The following MEIKIN variants were observed in gnomAD, a reference collection of about 807,000 sequenced individuals.
The protein encoded by MEIKIN is meiotic kinetochore factor.
chr5:131,847,608 C>T (rs1258621516), intron 11 of MEIKIN, among the ~76,000 whole-genome samples: 2 of 151,868 alleles, frequency 1.3e-5, no homozygotes. Flanking sequence ...ACTTCAATAC[C>T]TCTCTCTCAA....
chr5:131,932,753 C>T (rs1427050534), intron 5 of MEIKIN, among the ~76,000 whole-genome samples: 1 of 152,300 alleles, frequency 6.6e-6, no homozygotes, highest in East Asian at 1.9e-4. Flanking sequence ...AATACATCTC[C>T]AGGCTCCCTT....
intron 12 of MEIKIN, among the ~76,000 whole-genome samples, chr5:131,817,913 A>G (rs999569808): frequency 9.2e-5 from 14 of 152,206 alleles, no homozygotes; most frequent in African/African-American, 3.4e-4. Flanking sequence ...GCCACTGAGT[A>G]ATTAGACATT....
At chr5:131,825,306 C>A (rs1749592839) in intron 11 of MEIKIN, among the ~76,000 whole-genome samples, 1 of 152,156 alleles carries the variant, frequency 6.6e-6, no homozygotes, top group African/African-American at 2.4e-5. Context: ...ATATATGTGT[C>A]AGGCCCCAAG....
intron 11 of MEIKIN, among the ~76,000 whole-genome samples, chr5:131,846,414 C>A (rs1443610881): frequency 6.6e-6 from 1 of 152,100 alleles, no homozygotes; most frequent in African/African-American, 2.4e-5. Context: ...AACTCTACTT[C>A]TTGTTTTCTA....
chr5:131,846,835 T>G (rs574326683), intron 11 of MEIKIN, among the ~76,000 whole-genome samples: 1 of 152,142 alleles, frequency 6.6e-6, no homozygotes, highest in African/African-American at 2.4e-5. Context: ...AATTATTAAT[T>G]TATGTTTTAA....
rs188899814 is a variant in MEIKIN, at chr5:131,865,456, T to C, written c.775-10622A>G. On this transcript the variant is annotated intron_variant, in intron 9 of 12. Coordinates refer to ENST00000442687, the MANE Select transcript of MEIKIN (RefSeq NM_001303622.2). ...GAATGGTCTCGATCTCCTGACCTTG[T>C]GTTCCGCCCACCTGGGCCTCCCAAA... Among the ~76,000 whole-genome samples the C allele has an allele frequency of 4.4e-3, 673 of 152,368 alleles. 12 individuals carry two copies. Among genetic ancestry groups the C allele is most frequent in the African/African-American group, 0.016 (654 of 41,590 alleles).
intron 11 of MEIKIN, among the ~76,000 whole-genome samples, chr5:131,843,507 C>T (rs1749956264): frequency 6.6e-6 from 1 of 152,226 alleles, no homozygotes; most frequent in Admixed American, 6.5e-5. Flanking sequence ...GTCTTGAATG[C>T]TTTGCTTAAA....
At chr5:131,863,343 T>C (rs1022985531) in intron 9 of MEIKIN, among the ~76,000 whole-genome samples, 1 of 152,184 alleles carries the variant, frequency 6.6e-6, no homozygotes, top group Non-Finnish European at 1.5e-5. Context: ...CCAATGTTTA[T>C]GTGTTGATTT....
intron 8 of MEIKIN, among the ~76,000 whole-genome samples, chr5:131,906,050 T>C (rs763391873): frequency 3.3e-5 from 5 of 152,076 alleles, no homozygotes; most frequent in East Asian, 1.9e-4. Context: ...ACTAAAGAGC[T>C]TCTGCACAGC....
intron 8 of MEIKIN, among the ~76,000 whole-genome samples, chr5:131,892,769 C>T (rs1168920511): frequency 6.6e-6 from 1 of 152,172 alleles, no homozygotes; most frequent in Non-Finnish European, 1.5e-5. Context: ...GAGCTGCGTT[C>T]CTTTGGAGGA....
chr5:131,820,060 C>G (rs1188480534), intron 11 of MEIKIN, among the ~76,000 whole-genome samples: 5 of 136,418 alleles, frequency 3.7e-5, no homozygotes, highest in Admixed American at 7.9e-5. Flanking sequence ...CAGGCGTGAG[C>G]CACCGCGCCC....
intron 8 of MEIKIN, among the ~76,000 whole-genome samples, chr5:131,902,251 G>A (rs930786393): frequency 3.3e-5 from 5 of 152,176 alleles, no homozygotes; most frequent in South Asian, 2.1e-4. Context: ...TGGGCAACAC[G>A]GTGAAACCCT....
intron 9 of MEIKIN, among the ~76,000 whole-genome samples, chr5:131,876,447 T>C (rs1171513901): frequency 6.7e-6 from 1 of 149,644 alleles, no homozygotes; most frequent in Admixed American, 6.6e-5. Flanking sequence ...CACAATGAGA[T>C]ACCATCTCAC....
intron 11 of MEIKIN, among the ~76,000 whole-genome samples, chr5:131,842,625 AT>A (rs1190614155): frequency 4.0e-5 from 6 of 149,700 alleles, no homozygotes; most frequent in Non-Finnish European, 7.4e-5. Flanking sequence ...GTGTGTGTTC[AT>A]TCTTTTCTAT....
chr5:131,840,860 C>G (rs1475903288), intron 11 of MEIKIN, among the ~76,000 whole-genome samples: 1 of 152,196 alleles, frequency 6.6e-6, no homozygotes, highest in African/African-American at 2.4e-5. Flanking sequence ...TTTCAGTCAT[C>G]TCTGCCACAT....
chr5:131,837,104 A>G (rs2149609378), intron 11 of MEIKIN, among the ~76,000 whole-genome samples: 1 of 152,250 alleles, frequency 6.6e-6, no homozygotes, highest in South Asian at 2.1e-4. Flanking sequence ...CCAGTTATCC[A>G]AGTACCATTT....
chr5:131,942,548 G>T (rs893091182), intron 4 of MEIKIN, 87 bp downstream of exon 4: 5 of 394,892 alleles, frequency 1.3e-5, no homozygotes, highest in Admixed American at 8.8e-5. Flanking sequence ...CTTCCACTGA[G>T]ATAGGAAGAT....
At chr5:131,858,725 A>G (rs1750236512) in intron 9 of MEIKIN, among the ~76,000 whole-genome samples, 1 of 152,228 alleles carries the variant, frequency 6.6e-6, no homozygotes, top group South Asian at 2.1e-4. Flanking sequence ...AGGAACTTAA[A>G]TTTACAAGCA....
intron 8 of MEIKIN, among the ~76,000 whole-genome samples, chr5:131,889,717 T>C (rs1188437358): frequency 6.6e-6 from 1 of 152,208 alleles, no homozygotes; most frequent in Non-Finnish European, 1.5e-5. Context: ...TTCTTCTGCC[T>C]GATGGCCCTG....
Sources: gnomAD v4.1 joint callset for allele counts (sites outside exome capture counted in the v4.1 genomes callset) on GRCh38, gnomAD v4.1.1 for gene constraint, MANE v1.5 for transcripts, NCBI Gene and HGNC (gene_info 2026-07-23, HGNC 2026-07-21) for gene names.